The following GRM1 variants were observed in gnomAD, a reference collection of about 807,000 sequenced individuals.
GRM1 encodes the protein glutamate metabotropic receptor 1, also known as metabotropic glutamate receptor 1.
GRM1 carries 33 observed loss-of-function variants against 90.9 expected under a neutral mutation model. The observed-to-expected ratio is 0.36, with a 90% CI of 0.28 to 0.49. The LOEUF is 0.49. Among genes scored for constraint, GRM1 ranks in the 20% least tolerant of loss-of-function variants. The probability of loss-of-function intolerance (pLI) is 0.99; values close to 1 mark genes in which losing one functional copy is unlikely to be tolerated. For missense variants in GRM1, 1,190 were observed against 1,534.3 expected (o/e 0.78, Z 3.75); for synonymous variants, 700 against 613.2 (o/e 1.14, Z -2.09).
chr6:146,158,111 C>A (rs985623745), intron 1 of GRM1, among the ~76,000 whole-genome samples: 39 of 152,000 alleles, frequency 2.6e-4, no homozygotes, highest in African/African-American at 7.3e-4. Context: ...TAAATAAAAC[C>A]ATTCAGCAAG....
At chr6:146,220,613 A>G (rs774673011) in intron 2 of GRM1, among the ~76,000 whole-genome samples, 14 of 152,068 alleles carry the variant, frequency 9.2e-5, no homozygotes, top group Non-Finnish European at 1.5e-4. Context: ...TAAGACAAAT[A>G]TTTTTCCTTT....
In GRM1 at chr6:146,301,780, A is replaced by C. The variant is rs1783392512; in HGVS notation, c.951-2831A>C. Among the ~76,000 whole-genome samples, 4 of 152,180 alleles carry C rather than the reference A, an allele frequency of 2.6e-5. No homozygotes were observed. The South Asian group carries it at 8.3e-4, about 32-fold the overall frequency. On this transcript the variant is annotated intron_variant, in intron 2 of 7. Transcript: ENST00000282753. ...TAGATGTAGTTAAGATGTAAATATA[A>C]ATACATTTAAATGTAAATAAACCGG...
At chr6:146,222,904 T>C (rs1780119344) in intron 2 of GRM1, among the ~76,000 whole-genome samples, 1 of 151,938 alleles carries the variant, frequency 6.6e-6, no homozygotes, top group Admixed American at 6.6e-5. Context: ...AGCGGAGTCA[T>C]TGGGGGTGTT....
chr6:146,209,339 C>T (rs887291313), intron 2 of GRM1, among the ~76,000 whole-genome samples: 5 of 152,170 alleles, frequency 3.3e-5, no homozygotes, highest in Admixed American at 6.5e-5. Context: ...GCAATTAACT[C>T]GCTCCCAAAG....
At chr6:146,055,981 C>G (rs1323551346) in intron 1 of GRM1, among the ~76,000 whole-genome samples, 1 of 151,898 alleles carries the variant, frequency 6.6e-6, no homozygotes, top group Non-Finnish European at 1.5e-5. Context: ...TGAGAAGAAC[C>G]CTCCAACTGA....
At chr6:146,222,059 G>A (rs941280628) in intron 2 of GRM1, among the ~76,000 whole-genome samples, 1 of 152,030 alleles carries the variant, frequency 6.6e-6, no homozygotes, top group Non-Finnish European at 1.5e-5. Flanking sequence ...GTGTAACCTA[G>A]GTAGCAACAT....
At chr6:146,213,593 T>C (rs1779752906) in intron 2 of GRM1, among the ~76,000 whole-genome samples, 1 of 152,290 alleles carries the variant, frequency 6.6e-6, no homozygotes, top group Admixed American at 6.5e-5. Flanking sequence ...ATTCTTTCAT[T>C]TCATTCCATA....
intron 1 of GRM1, among the ~76,000 whole-genome samples, chr6:146,094,995 A>G (rs1776831514): frequency 6.6e-6 from 1 of 152,162 alleles, no homozygotes; most frequent in Non-Finnish European, 1.5e-5. Context: ...ATATTATTCA[A>G]TAAATGATCA....
At chr6:146,105,007 C>G (rs1777179451) in intron 1 of GRM1, among the ~76,000 whole-genome samples, 1 of 152,142 alleles carries the variant, frequency 6.6e-6, no homozygotes. Flanking sequence ...GTAAAGTCCT[C>G]TTTCTTGACC....
intron 2 of GRM1, among the ~76,000 whole-genome samples, chr6:146,165,563 T>C (rs1018967711): frequency 2.6e-5 from 4 of 152,074 alleles, no homozygotes; most frequent in African/African-American, 9.7e-5. Flanking sequence ...TGCATAATGG[T>C]CATGACTTAC....
At chr6:146,387,286 A>G (rs774663541) in intron 6 of GRM1, among the ~76,000 whole-genome samples, 3 of 152,030 alleles carry the variant, frequency 2.0e-5, no homozygotes, top group Non-Finnish European at 4.4e-5. Flanking sequence ...TTTAAATTGT[A>G]TTTGAAGGTA....
chr6:146,425,735 T>C (rs1279398887), intron 7 of GRM1, among the ~76,000 whole-genome samples: 1 of 152,244 alleles, frequency 6.6e-6, no homozygotes, highest in South Asian at 2.1e-4. Flanking sequence ...TTCTTTTCTA[T>C]GACAGGCAGC....
chr6:146,349,685 A>T (rs966689311), intron 3 of GRM1, among the ~76,000 whole-genome samples: 2 of 152,140 alleles, frequency 1.3e-5, no homozygotes, highest in Non-Finnish European at 2.9e-5. Flanking sequence ...GACATCAGGT[A>T]TTCTTGTATG....
intron 2 of GRM1, among the ~76,000 whole-genome samples, chr6:146,246,371 C>CA (rs1781060052): frequency 6.6e-6 from 1 of 152,102 alleles, no homozygotes; most frequent in Non-Finnish European, 1.5e-5. Context: ...GGGCAGGGCT[C>CA]AATGGGGACC....
chr6:146,434,081 T>C lies in GRM1; in HGVS notation c.2870T>C (p.Val957Ala). Residue 957 changes from valine to alanine, a missense_variant, in exon 8 of 8, where the codon GTA (valine) becomes GCA (alanine). Around this residue, in one of 10 missense-constraint regions of GRM1, gnomAD observed 400 missense variants for 360.8 expected, o/e 1.11. Coordinates refer to ENST00000282753, the MANE Select transcript of GRM1 (RefSeq NM_001278064.2). ...SDTSTKTLYN[V>A]EEEEDAQPIR... The stretch of plus-strand genomic sequence containing the variant: ...ACCAGCACCAAGACCCTTTACAACG[T>C]AGAGGAGGAGGAGGATGCCCAGCCG... The C allele has an allele frequency of 1.9e-6, 3 of 1,614,110 alleles. No homozygotes were observed. The highest frequency in any genetic ancestry group is 2.5e-6 in the Non-Finnish European group (3 of 1,179,972).
intron 1 of GRM1, among the ~76,000 whole-genome samples, chr6:146,141,407 T>C (rs1776876758): frequency 6.6e-6 from 1 of 152,174 alleles, no homozygotes; most frequent in Non-Finnish European, 1.5e-5. Flanking sequence ...AACTTTCTTG[T>C]ACTTGAATGT....
chr6:146,426,534 G>T, intron 7 of GRM1: 2 of 1,604,492 alleles, frequency 1.2e-6, no homozygotes, highest in South Asian at 1.1e-5. Flanking sequence ...CGCTCACTGG[G>T]TGTCTTTTTC....
intron 7 of GRM1, among the ~76,000 whole-genome samples, chr6:146,416,536 AC>A (rs1395250541): frequency 6.6e-6 from 1 of 152,096 alleles, no homozygotes; most frequent in African/African-American, 2.4e-5. Context: ...TGCTTTTTTC[AC>A]ATGCATTTCA....
chr6:146,141,073 A>C (rs1296459385), intron 1 of GRM1, among the ~76,000 whole-genome samples: 2 of 152,192 alleles, frequency 1.3e-5, no homozygotes, highest in African/African-American at 4.8e-5. Flanking sequence ...GTGTTGATGA[A>C]ATCTCTCAAC....
Sources: gnomAD v4.1 joint callset for allele counts (sites outside exome capture counted in the v4.1 genomes callset) on GRCh38, gnomAD v4.1.1 for gene constraint, gnomAD v4.1.1 regional missense constraint, MANE v1.5 for transcripts, NCBI Gene and HGNC (gene_info 2026-07-23, HGNC 2026-07-21) for gene names.